The following FER variants were observed in gnomAD, a reference collection of about 807,000 sequenced individuals.
FER encodes the protein tyrosine-protein kinase Fer.
FER carries 63 observed loss-of-function variants against 111.0 expected under a neutral mutation model. The observed-to-expected ratio is 0.57, with a 90% confidence interval of 0.46 to 0.70. The LOEUF is 0.70. Ranked by LOEUF, FER falls within the 30% of genes least tolerant of loss-of-function variation. The pLI, the probability that FER is intolerant of heterozygous loss-of-function variation, is 0.00. For synonymous variants in FER, 327 were observed against 313.9 expected, an observed-to-expected ratio of 1.04 and a Z score of -0.44; for missense variants, 914 against 954.0, an observed-to-expected ratio of 0.96 and a Z score of 0.55.
chr5:108,832,005 C>CT (rs1432739545), intron 3 of FER, among the ~76,000 whole-genome samples: 1 of 151,790 alleles, frequency 6.6e-6, no homozygotes, highest in Non-Finnish European at 1.5e-5. Context: ...GTCAGGAAGT[C>CT]TAACTAATAA....
chr5:108,917,966 G>C (rs1415002034), intron 10 of FER, among the ~76,000 whole-genome samples: 2 of 152,104 alleles, frequency 1.3e-5, no homozygotes, highest in Non-Finnish European at 2.9e-5. Flanking sequence ...TTACTCCCCA[G>C]AGTATTTGAG....
chr5:108,880,645 C>CA (rs1367986136), intron 8 of FER, among the ~76,000 whole-genome samples: 5 of 151,768 alleles, frequency 3.3e-5, no homozygotes, highest in African/African-American at 1.2e-4. Flanking sequence ...CCATGCAAGC[C>CA]AATTCTCTCA....
At chr5:108,914,958 G>A (rs73781497) in intron 10 of FER, among the ~76,000 whole-genome samples, 7,299 of 152,258 alleles carry the variant, frequency 0.048, 282 homozygotes, top group African/African-American at 0.11. Flanking sequence ...GGTGGCTACA[G>A]GGTTTAGCAA....
intron 18 of FER, 138 bp from the exon 19 acceptor site, chr5:109,186,062 A>G: frequency 8.2e-7 from 1 of 1,214,280 alleles, no homozygotes. Context: ...TTATACTGGG[A>G]CCACTGTCAT....
chr5:108,794,210 CCTTTTTTTTTT>C (rs1424703700), intron 2 of FER, among the ~76,000 whole-genome samples: 3 of 150,214 alleles, frequency 2.0e-5, no homozygotes, highest in Non-Finnish European at 3.0e-5. Context: ...CTTAGCATTT[CCTTTTTTTTTT>C]CTTTTTTTTT....
intron 2 of FER, among the ~76,000 whole-genome samples, chr5:108,769,692 G>T (rs923399850): frequency 6.6e-6 from 1 of 151,968 alleles, no homozygotes; most frequent in Non-Finnish European, 1.5e-5. Flanking sequence ...GGCATGGAAA[G>T]AGAGAGAGAG....
At chr5:108,785,021 GA>G (rs568423688) in intron 2 of FER, 294 of 326,970 alleles carry the variant, frequency 9.0e-4, no homozygotes, top group Middle Eastern at 4.3e-3. Flanking sequence ...GGTGTATGCA[GA>G]TACACTGTCT....
intron 16 of FER, among the ~76,000 whole-genome samples, chr5:109,047,924 C>G (rs1380137979): frequency 2.0e-5 from 3 of 152,102 alleles, no homozygotes; most frequent in Non-Finnish European, 4.4e-5. Flanking sequence ...CTTTGAAGTG[C>G]TGTATTAATA....
chr5:109,152,765 G>T (rs1173434554), intron 17 of FER, among the ~76,000 whole-genome samples: 1 of 151,790 alleles, frequency 6.6e-6, no homozygotes, highest in Non-Finnish European at 1.5e-5. Context: ...CCCTTTCAGG[G>T]GACTTTTCAA....
chr5:108,956,232 C>T (rs948622782), intron 12 of FER, among the ~76,000 whole-genome samples: 1 of 151,528 alleles, frequency 6.6e-6, no homozygotes, highest in African/African-American at 2.4e-5. Context: ...ATTTAGATAA[C>T]CTACCCTATT....
At chr5:108,927,024 G>A (rs1306054518) in intron 10 of FER, among the ~76,000 whole-genome samples, 1 of 151,806 alleles carries the variant, frequency 6.6e-6, no homozygotes, top group Non-Finnish European at 1.5e-5. Flanking sequence ...TGCTTTTCTG[G>A]GTCATCTGTT....
At chr5:108,991,632 C>T (rs1279100183) in intron 13 of FER, among the ~76,000 whole-genome samples, 1 of 151,852 alleles carries the variant, frequency 6.6e-6, no homozygotes, top group Non-Finnish European at 1.5e-5. Flanking sequence ...TTCTGTATTT[C>T]AATATCTCCT....
chr5:108,959,657 G>T (rs1243259989), intron 13 of FER, among the ~76,000 whole-genome samples: 1 of 151,836 alleles, frequency 6.6e-6, no homozygotes, highest in African/African-American at 2.4e-5. Flanking sequence ...GAAAGGTTCA[G>T]GTTATAACAG....
At chr5:109,049,077 G>A (rs1212783767) in intron 16 of FER, among the ~76,000 whole-genome samples, 2 of 152,168 alleles carry the variant, frequency 1.3e-5, no homozygotes, top group Non-Finnish European at 2.9e-5. Flanking sequence ...AAGTGTGTCT[G>A]TAGGTAAAAA....
intron 13 of FER, among the ~76,000 whole-genome samples, chr5:108,998,567 T>A (rs947397898): frequency 6.6e-6 from 1 of 152,178 alleles, no homozygotes; most frequent in Non-Finnish European, 1.5e-5. Flanking sequence ...AGCTGCAGAC[T>A]GGAGCTGTTC....
intron 2 of FER, among the ~76,000 whole-genome samples, chr5:108,773,294 G>A (rs1471678920): frequency 6.6e-6 from 1 of 151,964 alleles, no homozygotes; most frequent in Non-Finnish European, 1.5e-5. Flanking sequence ...CATCACCTAG[G>A]TATTAAGCCC....
chr5:108,832,983 T>C (rs780050728), intron 4 of FER, 40 bp downstream of exon 4: 4 of 1,498,928 alleles, frequency 2.7e-6, no homozygotes, highest in Non-Finnish European at 3.6e-6. Context: ...TGAAATTGTT[T>C]TCCAAATTCA....
At position 108,883,402 on chromosome 5, in the gene FER, A is replaced by G; in HGVS notation, c.930A>G (p.Lys310=). The stretch of plus-strand genomic sequence containing the variant: ...AGGATACTGTTTATTCTAGGTTGAA[A>G]ACGTTAGCGGAAGAACTTATGCAAA... The part of the protein sequence containing the change: ...LTAESLQVML[K]TLAEELMQTQ... The change falls in exon 9 of 20, where the codon AAA becomes AAG. Residue 310 remains lysine, a synonymous_variant. Coordinates refer to ENST00000281092, the MANE Select transcript of FER (RefSeq NM_005246.4). 1 of 1,603,374 alleles carries G rather than the reference A, an allele frequency of 6.2e-7. No homozygotes were observed. The highest frequency in any genetic ancestry group is 1.1e-5 in the South Asian group (1 of 89,240).
chr5:109,153,775 T>C (rs1478754336), intron 17 of FER, among the ~76,000 whole-genome samples: 1 of 151,846 alleles, frequency 6.6e-6, no homozygotes, highest in African/African-American at 2.4e-5. Flanking sequence ...AGTGGCAGAC[T>C]CTGAATTTGA....
Sources: gnomAD v4.1 joint callset for allele counts (sites outside exome capture counted in the v4.1 genomes callset) on GRCh38, gnomAD v4.1.1 for gene constraint, MANE v1.5 for transcripts, NCBI Gene and HGNC (gene_info 2026-07-23, HGNC 2026-07-21) for gene names.